RCAN2: variants seen among roughly 807,000 people sequenced by gnomAD.
RCAN2 encodes the protein calcipressin-2.
RCAN2 carries 9 observed loss-of-function variants against 23.6 expected under a neutral mutation model. The ratio of observed to expected loss-of-function variants is 0.38; its 90% CI spans 0.23 to 0.67. The LOEUF (loss-of-function observed/expected upper bound fraction) is 0.67. Ranked by LOEUF, RCAN2 falls within the 30% of genes least tolerant of loss-of-function variation. The probability of loss-of-function intolerance (pLI) is 0.51; values close to 1 mark genes in which losing one functional copy is unlikely to be tolerated. For synonymous variants in RCAN2, 109 were observed against 115.7 expected (o/e 0.94, Z 0.37); for missense variants, 273 against 302.3 (o/e 0.90, Z 0.72).
chr6:46,328,591 C>T (rs917284593), intron 2 of RCAN2, among the ~76,000 whole-genome samples: 1 of 152,006 alleles, frequency 6.6e-6, no homozygotes, highest in Non-Finnish European at 1.5e-5. Context: ...ATAACAGTGT[C>T]CTGTTTCTCT....
At chr6:46,328,896 A>G (rs535065041) in intron 2 of RCAN2, among the ~76,000 whole-genome samples, 2 of 152,276 alleles carry the variant, frequency 1.3e-5, no homozygotes, top group Admixed American at 1.3e-4. Flanking sequence ...GGCTTGAACC[A>G]CCACCCCTAG....
intron 2 of RCAN2, among the ~76,000 whole-genome samples, chr6:46,426,549 T>G (rs919502624): frequency 1.3e-5 from 2 of 152,218 alleles, no homozygotes; most frequent in African/African-American, 4.8e-5. Context: ...CCATAGATAT[T>G]TTTGAATGAG....
At chr6:46,356,790 G>A (rs907227484) in intron 2 of RCAN2, among the ~76,000 whole-genome samples, 11 of 152,110 alleles carry the variant, frequency 7.2e-5, no homozygotes, top group African/African-American at 2.2e-4. Context: ...GAACACTTAC[G>A]GAGGAACACA....
At chr6:46,251,842 C>T (rs1766735065) in intron 2 of RCAN2, among the ~76,000 whole-genome samples, 1 of 152,060 alleles carries the variant, frequency 6.6e-6, no homozygotes. Context: ...TTAGAATTGG[C>T]CGTTGACGTG....
At chr6:46,457,542 A>G (rs1768076419) in intron 1 of RCAN2, among the ~76,000 whole-genome samples, 1 of 152,202 alleles carries the variant, frequency 6.6e-6, no homozygotes, top group African/African-American at 2.4e-5. Context: ...AAGCAGATCA[A>G]AATAAGTAGA....
At chr6:46,355,975 T>A (rs1764818224) in intron 2 of RCAN2, among the ~76,000 whole-genome samples, 1 of 152,206 alleles carries the variant, frequency 6.6e-6, no homozygotes, top group South Asian at 2.1e-4. Context: ...CACCCCATCC[T>A]GCTGCCTCCG....
At chr6:46,422,302 C>T (rs1396062041) in intron 2 of RCAN2, among the ~76,000 whole-genome samples, 2 of 152,130 alleles carry the variant, frequency 1.3e-5, no homozygotes, top group Non-Finnish European at 2.9e-5. Context: ...TCTTCTTCTG[C>T]CATGAGTGGA....
intron 2 of RCAN2, among the ~76,000 whole-genome samples, chr6:46,451,703 T>C (rs1162937031): frequency 6.6e-6 from 1 of 152,170 alleles, no homozygotes; most frequent in Non-Finnish European, 1.5e-5. Flanking sequence ...AAGAAATTGG[T>C]TCAGATTTAG....
At chr6:46,451,565 A>G (rs984341388) in intron 2 of RCAN2, among the ~76,000 whole-genome samples, 2 of 152,186 alleles carry the variant, frequency 1.3e-5, no homozygotes, top group Non-Finnish European at 2.9e-5. Context: ...TTCTCCTACA[A>G]ACTAGAGTGA....
chr6:46,468,728 T>G, intron 1 of RCAN2: 1 of 746,298 alleles, frequency 1.3e-6, no homozygotes, highest in Non-Finnish European at 1.6e-6. Context: ...ACCCTCAGAT[T>G]CCCTCTCTCC....
At chr6:46,265,653 A>G (rs1767299798) in intron 2 of RCAN2, among the ~76,000 whole-genome samples, 1 of 152,178 alleles carries the variant, frequency 6.6e-6, no homozygotes, top group Admixed American at 6.5e-5. Flanking sequence ...GAGACGTGAC[A>G]GTCCTCTTGA....
rs553387993 is a variant in RCAN2, at chr6:46,342,462, GGATC to G, written c.226-93570_226-93567del. 3.3e-4 allele frequency among the ~76,000 whole-genome samples: 50 copies of G among 151,234 alleles called. 1 individual carries two copies. In the South Asian group the frequency reaches 8.5e-3, roughly 26 times the overall value. ...AGCTACTCAGGAGGTTGAGGTGAGA[GGATC>G]ACTTGAATCCAGTAGTCCAAGGCTG... On this transcript the variant is annotated intron_variant, in intron 2 of 4. Coordinates refer to ENST00000371374, the MANE Select transcript of RCAN2 (RefSeq NM_001251974.2).
At chr6:46,369,720 T>C (rs1003676678) in intron 2 of RCAN2, among the ~76,000 whole-genome samples, 2 of 152,226 alleles carry the variant, frequency 1.3e-5, no homozygotes, top group African/African-American at 4.8e-5. Flanking sequence ...ATCAGAAAAG[T>C]GATTAAGTCG....
chr6:46,458,146 C>T (rs1435449327), intron 1 of RCAN2, among the ~76,000 whole-genome samples: 1 of 152,150 alleles, frequency 6.6e-6, no homozygotes, highest in East Asian at 1.9e-4. Context: ...TCTTCAGTCC[C>T]ATCATCACAG....
At chr6:46,467,771 C>G (rs1415734318) in intron 1 of RCAN2, among the ~76,000 whole-genome samples, 2 of 152,262 alleles carry the variant, frequency 1.3e-5, no homozygotes, top group African/African-American at 4.8e-5. Context: ...CTCCCTCTCA[C>G]CTACTCCAAA....
chr6:46,415,592 T>C (rs569101549), intron 2 of RCAN2, among the ~76,000 whole-genome samples: 2 of 152,204 alleles, frequency 1.3e-5, no homozygotes, highest in Admixed American at 6.5e-5. Flanking sequence ...TTGGAGGATG[T>C]TGATATTTGA....
At chr6:46,338,263 A>C (rs994595564) in intron 2 of RCAN2, among the ~76,000 whole-genome samples, 11 of 152,188 alleles carry the variant, frequency 7.2e-5, no homozygotes, top group African/African-American at 2.7e-4. Context: ...AATGATACAG[A>C]AACCAGTGTA....
intron 2 of RCAN2, among the ~76,000 whole-genome samples, chr6:46,250,431 T>C (rs1346802057): frequency 6.6e-6 from 1 of 152,216 alleles, no homozygotes; most frequent in Non-Finnish European, 1.5e-5. Flanking sequence ...AAAGGTAATT[T>C]CTCATAACAG....
At chr6:46,359,446 A>G (rs1386301587) in intron 2 of RCAN2, among the ~76,000 whole-genome samples, 1 of 152,220 alleles carries the variant, frequency 6.6e-6, no homozygotes, top group East Asian at 1.9e-4. Flanking sequence ...GAGTCTAAAG[A>G]TATTTGTCAG....
Sources: allele counts gnomAD v4.1 joint callset (sites outside exome capture counted in the v4.1 genomes callset), GRCh38; gene constraint gnomAD v4.1.1; transcripts MANE v1.5; gene names NCBI Gene and HGNC (gene_info 2026-07-23, HGNC 2026-07-21).